TLN2: variants seen among roughly 807,000 people sequenced by gnomAD.
TLN2 encodes talin-2.
Under a neutral mutation model 294.7 loss-of-function variants are expected in TLN2, and 118 were observed. The ratio of observed to expected loss-of-function variants is 0.40; its 90% confidence interval spans 0.34 to 0.47. The LOEUF (loss-of-function observed/expected upper bound fraction) is 0.47. TLN2 is among the 20% of genes least tolerant of loss of function. TLN2 has a pLI of 0.84. For missense variants in TLN2, 3,083 were observed against 3,282.2 expected (o/e 0.94, Z 1.48); for synonymous variants, 1,431 against 1,304.5 (o/e 1.10, Z -2.09).
intron 53 of TLN2, 139 bp from the exon 54 acceptor site, chr15:62,820,347 C>T (rs1039121169): frequency 3.5e-5 from 14 of 400,524 alleles, no homozygotes; most frequent in South Asian, 1.2e-4. Context: ...TTATGAGAGA[C>T]GGAAGGAAGG....
chr15:62,465,016 T>C (rs2037034467), intron 1 of TLN2, among the ~76,000 whole-genome samples: 1 of 152,094 alleles, frequency 6.6e-6, no homozygotes, highest in African/African-American at 2.4e-5. Context: ...TTCAGTAGTC[T>C]TTTTTCCCCC....
chr15:62,756,227 C>T (rs900129917), intron 37 of TLN2, among the ~76,000 whole-genome samples: 2 of 152,098 alleles, frequency 1.3e-5, no homozygotes, highest in African/African-American at 4.8e-5. Context: ...TTAAGTGGAG[C>T]GTCAACTTTT....
intron 1 of TLN2, among the ~76,000 whole-genome samples, chr15:62,447,759 C>T (rs1391655448): frequency 1.3e-5 from 2 of 152,126 alleles, no homozygotes; most frequent in African/African-American, 4.8e-5. Context: ...TCCCAAAGTG[C>T]TAGGATTAGC....
At chr15:62,651,949 G>T in intron 5 of TLN2, 56 bp from the exon 6 acceptor site, 4 of 1,489,978 alleles carry the variant, frequency 2.7e-6, no homozygotes, top group Non-Finnish European at 3.6e-6. Flanking sequence ...AAGTGTTCAA[G>T]TTTGTTATTT....
chr15:62,465,205 C>A (rs1225410098), intron 1 of TLN2, among the ~76,000 whole-genome samples: 1 of 142,020 alleles, frequency 7.0e-6, no homozygotes, highest in African/African-American at 2.6e-5. Flanking sequence ...TGTGCTGTTT[C>A]CTTTTAGCCT....
intron 1 of TLN2, among the ~76,000 whole-genome samples, chr15:62,427,335 T>G (rs1233713678): frequency 2.0e-5 from 3 of 152,206 alleles, no homozygotes; most frequent in Non-Finnish European, 2.9e-5. Context: ...CAGAAAATTC[T>G]GTCTACTTGG....
At chr15:62,529,043 G>A (rs1469793) in intron 1 of TLN2, among the ~76,000 whole-genome samples, 35,749 of 151,680 alleles carry the variant, frequency 0.24, 4,598 homozygotes, top group East Asian at 0.56. Flanking sequence ...TAGTATTTGG[G>A]GATGGATTAT....
chr15:62,710,740 T>TTC, intron 21 of TLN2, among the ~76,000 whole-genome samples: 1 of 83,220 alleles, frequency 1.2e-5, no homozygotes, highest in Non-Finnish European at 2.8e-5. Flanking sequence ...TTTTTTTTTT[T>TTC]TTTTTGATGG....
intron 45 of TLN2, 29 bp from the exon 46 acceptor site, chr15:62,792,609 TCTC>T (rs1462573786): frequency 7.5e-6 from 12 of 1,607,122 alleles, no homozygotes; most frequent in South Asian, 3.3e-5. Flanking sequence ...CCATCACGCT[TCTC>T]CTTCCCCATC....
intron 24 of TLN2, among the ~76,000 whole-genome samples, chr15:62,719,323 A>G (rs1324402738): frequency 6.6e-6 from 1 of 152,232 alleles, no homozygotes; most frequent in African/African-American, 2.4e-5. Context: ...GTGTGCCTGC[A>G]AAGTAAGAAG....
rs1043649396 is a variant in TLN2, at chr15:62,844,590, A to T, written c.*3980A>T. The T allele has an allele frequency of 1.3e-5, 2 of 151,432 alleles. No individual in the cohort carries two copies. Among genetic ancestry groups the T allele is most frequent in the African/African-American group, 2.4e-5 (1 of 41,242 alleles). The allele number at this position is 151,432 out of a possible 1,614,324, so 9.4% of individuals were successfully genotyped here. A position where few individuals can be genotyped will look rare whatever the true frequency, so the allele number is the denominator to read the frequency against. On this transcript the variant is annotated 3_prime_UTR_variant, in exon 59 of 59. Coordinates refer to ENST00000636159, the MANE Select transcript of TLN2 (RefSeq NM_015059.3). ...ATTAATTTATCTAACCACATAAGTT[A>T]TTTTTTTTTATTTGCCAGAAATAAA...
intron 8 of TLN2, among the ~76,000 whole-genome samples, chr15:62,656,350 G>A (rs956348307): frequency 1.3e-5 from 2 of 152,138 alleles, no homozygotes; most frequent in South Asian, 4.1e-4. Context: ...TCTCTGCCGG[G>A]CTTTGAGGGA....
chr15:62,653,021 C>G, intron 6 of TLN2, 141 bp from the exon 7 acceptor site: 1 of 525,778 alleles, frequency 1.9e-6, no homozygotes, highest in East Asian at 3.4e-5. Context: ...TTGATGTGGC[C>G]ACCTCCCTGA....
chr15:62,574,503 C>T (rs1337786407), intron 1 of TLN2, among the ~76,000 whole-genome samples: 4 of 136,640 alleles, frequency 2.9e-5, no homozygotes, highest in Non-Finnish European at 4.5e-5. Flanking sequence ...AGTGTTTGAG[C>T]CCAGGTGTTT....
At chr15:62,496,276 GAGA>G (rs2039011415) in intron 1 of TLN2, among the ~76,000 whole-genome samples, 1 of 152,202 alleles carries the variant, frequency 6.6e-6, no homozygotes, top group Non-Finnish European at 1.5e-5. Flanking sequence ...GGCATGCCCA[GAGA>G]AGATTTACTT....
At chr15:62,401,350 A>G (rs1362024687) in intron 1 of TLN2, among the ~76,000 whole-genome samples, 2 of 152,174 alleles carry the variant, frequency 1.3e-5, no homozygotes, top group Non-Finnish European at 2.9e-5. Context: ...AGTGCCAGCC[A>G]CTTAGTTTTA....
chr15:62,546,154 C>T (rs1384504167), intron 1 of TLN2, among the ~76,000 whole-genome samples: 3 of 152,076 alleles, frequency 2.0e-5, no homozygotes, highest in Non-Finnish European at 1.5e-5. Flanking sequence ...AGAGGGAGGT[C>T]GGCACTGATT....
intron 1 of TLN2, among the ~76,000 whole-genome samples, chr15:62,584,747 C>T (rs925776716): frequency 2.0e-5 from 3 of 152,216 alleles, no homozygotes; most frequent in Non-Finnish European, 4.4e-5. Context: ...TCCTCGGCTT[C>T]TCCCATGTCT....
chr15:62,548,199 G>A (rs371472929), intron 1 of TLN2, among the ~76,000 whole-genome samples: 1 of 152,188 alleles, frequency 6.6e-6, no homozygotes, highest in Admixed American at 6.6e-5. Flanking sequence ...AGACCAGACA[G>A]GATTTGAAAA....
Sources: gnomAD v4.1 joint callset for allele counts (sites outside exome capture counted in the v4.1 genomes callset) on GRCh38, gnomAD v4.1.1 for gene constraint, MANE v1.5 for transcripts, NCBI Gene and HGNC (gene_info 2026-07-23, HGNC 2026-07-21) for gene names.